Variants in WRN observed in about 807,000 individuals in gnomAD.
WRN encodes the protein bifunctional 3'-5' exonuclease/ATP-dependent helicase WRN.
A neutral mutation model predicts 180.7 loss-of-function variants in WRN; 149 were observed. The observed-to-expected ratio is 0.82, with a 90% confidence interval of 0.72 to 0.94. The LOEUF (loss-of-function observed/expected upper bound fraction) is 0.94. Among genes scored for constraint, WRN ranks in the 40% least tolerant of loss-of-function variants. WRN has a pLI of 0.00. For missense variants in WRN, 1,661 were observed against 1,700.1 expected, an observed-to-expected ratio of 0.98 and a Z score of 0.40; for synonymous variants, 548 against 568.9, an observed-to-expected ratio of 0.96 and a Z score of 0.52.
chr8:31,119,779 T>G (rs1419531831), intron 20 of WRN, among the ~76,000 whole-genome samples: 1 of 152,172 alleles, frequency 6.6e-6, no homozygotes, highest in Middle Eastern at 3.4e-3. Context: ...TTCATAGATA[T>G]GAGACATTCT....
chr8:31,147,072 G>GA lies in WRN; in HGVS notation c.3408dup (p.Ala1137SerfsTer28), dbSNP rs1284409960. The GA allele has an allele frequency of 6.2e-7, 1 of 1,613,652 alleles. No homozygotes were observed. The highest frequency in any genetic ancestry group is 2.2e-5 in the East Asian group (1 of 44,808). ...TTTTAGTATCATGGTACAGTCACCAGAAAAAGCTTACAGTTCCTCACAGCC... is the reference window on the plus strand; with the variant it reads ...TTTTAGTATCATGGTACAGTCACCAGAAAAAAGCTTACAGTTCCTCACAGCC... On this transcript the variant is annotated frameshift_variant, in exon 29 of 35. Transcript: ENST00000298139. LOFTEE classifies it high-confidence loss of function.
chr8:31,056,973 C>A (rs531401081), intron 1 of WRN, among the ~76,000 whole-genome samples: 1 of 151,940 alleles, frequency 6.6e-6, no homozygotes, highest in Non-Finnish European at 1.5e-5. Context: ...CAGTCTCTCT[C>A]CCCCAGTGGT....
intron 18 of WRN, among the ~76,000 whole-genome samples, chr8:31,105,090 A>AG (rs1405108410): frequency 3.7e-5 from 1 of 26,702 alleles, no homozygotes; most frequent in East Asian, 1.2e-3. Flanking sequence ...GTTTGGTTGG[A>AG]GCAGATATTA....
chr8:31,103,095 C>T (rs981938391), intron 18 of WRN, among the ~76,000 whole-genome samples: 1 of 152,164 alleles, frequency 6.6e-6, no homozygotes, highest in Non-Finnish European at 1.5e-5. Flanking sequence ...ATCAATGTTG[C>T]TGTCTTCCAC....
Position 31,132,372 on chromosome 8 carries a change from C to G in WRN, c.2833C>G (p.His945Asp), listed in dbSNP as rs1354237583. ...GTTATTATTTTTATTTAGATTGGAT[C>G]ATTGCTATTCCATGGATGACTCAGA... is the stretch of plus-strand genomic sequence containing the variant. Reference protein sequence around the residue: ...CCDNCRSRLDHCYSMDDSEDT... With the variant: ...CCDNCRSRLDDCYSMDDSEDT... Residue 945 changes from histidine to aspartate, a missense_variant, in exon 24 of 35, where the codon CAT becomes GAT. His to Asp is a moderately conservative substitution (Grantham distance 81). Coordinates refer to ENST00000298139, the MANE Select transcript of WRN (RefSeq NM_000553.6). 5 of 1,613,824 alleles carry G rather than the reference C, an allele frequency of 3.1e-6. No homozygotes were observed. The highest frequency in any genetic ancestry group is 3.4e-6 in the Non-Finnish European group (4 of 1,179,936).
At position 31,135,213 on chromosome 8, in the gene WRN, T is replaced by A. The variant is rs556781832; in HGVS notation, c.2967+2707T>A. ...GACCACAGGTGCCACCCCACCCAGC[T>A]ATTTTTTTTATTTTTTAATTTTTTT... On this transcript the variant is annotated intron_variant, in intron 24 of 34. Transcript: ENST00000298139. 2.6e-5 allele frequency among the ~76,000 whole-genome samples: 4 copies of A among 152,124 alleles called. No homozygotes were observed. In the East Asian group the frequency reaches 7.8e-4, roughly 30 times the overall value.
chr8:31,061,962 C>T lies in WRN; in HGVS notation c.210-2327C>T, dbSNP rs528166324. The stretch of plus-strand genomic sequence containing the variant: ...TGGAGCTCTTTTCCTGCCTAGCTTC[C>T]TCCTCTCCAGAACTCTGCCCCGTGA... On this transcript the variant is annotated intron_variant, in intron 3 of 34. Transcript: ENST00000298139. Among the ~76,000 whole-genome samples the T allele has an allele frequency of 2.6e-5, 4 of 152,256 alleles. No individual in the cohort carries two copies. The East Asian group carries it at 5.8e-4, about 22-fold the overall frequency.
Position 31,120,157 on chromosome 8 carries a change from A to G in WRN, c.2449-86A>G, listed in dbSNP as rs529297882. 197 of 1,541,134 alleles carry G rather than the reference A, an allele frequency of 1.3e-4. 1 individual carries two copies. The African/African-American group carries it at 2.2e-3, about 17-fold the overall frequency. ...TTGTGCCAGGGACTTAAGTTAACGA[A>G]CAAATTATTCTTACAAAAAGGTATA... On this transcript the variant is annotated intron_variant, in intron 20 of 34. Transcript: ENST00000298139.
At chr8:31,117,745 G>T (rs760559269) in intron 20 of WRN, among the ~76,000 whole-genome samples, 7 of 152,100 alleles carry the variant, frequency 4.6e-5, no homozygotes, top group Non-Finnish European at 7.4e-5. Context: ...GCTTAAGTAT[G>T]ATTCATATTC....
chr8:31,171,775 C>G (rs1158443666), intron 34 of WRN, among the ~76,000 whole-genome samples: 1 of 152,132 alleles, frequency 6.6e-6, no homozygotes, highest in Non-Finnish European at 1.5e-5. Context: ...TATTTCAAAG[C>G]CTTTTTTAAA....
At chr8:31,109,410 C>T (rs1032197219) in intron 18 of WRN, among the ~76,000 whole-genome samples, 2 of 151,958 alleles carry the variant, frequency 1.3e-5, no homozygotes, top group African/African-American at 4.8e-5. Flanking sequence ...TCACTGTTAC[C>T]AGATTGCTGG....
intron 1 of WRN, among the ~76,000 whole-genome samples, chr8:31,038,469 C>G (rs909305765): frequency 1.3e-5 from 2 of 151,758 alleles, no homozygotes; most frequent in Non-Finnish European, 2.9e-5. Context: ...GAATATTAAA[C>G]CCTTATTGGG....
chr8:31,175,028 T>C lies in WRN; in HGVS notation c.*1926T>C, dbSNP rs1804237325. On this transcript the variant is annotated 3_prime_UTR_variant, in exon 35 of 35. Transcript: ENST00000298139. ...ATAAAGCCTTTTCTAATGAGATGGATAGTAATTAACAAATGTGAGTTTTTG... is the reference window on the plus strand; with the variant it reads ...ATAAAGCCTTTTCTAATGAGATGGACAGTAATTAACAAATGTGAGTTTTTG... Among the ~76,000 whole-genome samples, 1 of 151,850 alleles carries C rather than the reference T, an allele frequency of 6.6e-6. No homozygotes were observed. Among genetic ancestry groups the C allele is most frequent in the Non-Finnish European group, 1.5e-5 (1 of 67,984 alleles).
At chr8:31,061,686 G>A (rs140446060) in intron 3 of WRN, among the ~76,000 whole-genome samples, 4 of 152,038 alleles carry the variant, frequency 2.6e-5, no homozygotes, top group African/African-American at 9.7e-5. Flanking sequence ...GAAAGTCTAC[G>A]TTTGCCTTTA....
At chr8:31,052,458 G>C (rs1432538629) in intron 1 of WRN, among the ~76,000 whole-genome samples, 1 of 152,082 alleles carries the variant, frequency 6.6e-6, no homozygotes, top group Non-Finnish European at 1.5e-5. Flanking sequence ...CAAGATTTCA[G>C]CTCACTGCAA....
At position 31,090,820 on chromosome 8, in the gene WRN, T is replaced by G. The variant is rs1813717842; in HGVS notation, c.1721-14T>G. On this transcript the variant is annotated splice_polypyrimidine_tract_variant and intron_variant, in intron 14 of 34. Transcript: ENST00000298139. ...ATTTTTTTCATTTTATTTTTATATT[T>G]TTTTCATTTCAAGGATATGGAAAGA... 6.3e-7 allele frequency: 1 copy of G among 1,580,854 alleles called. No homozygotes were observed. Among genetic ancestry groups the G allele is most frequent in the Non-Finnish European group, 8.6e-7 (1 of 1,157,842 alleles).
chr8:31,166,928 C>G (rs1803902031), intron 33 of WRN, 94 bp from the exon 34 acceptor site: 1 of 1,279,004 alleles, frequency 7.8e-7, no homozygotes, highest in East Asian at 2.5e-5. Flanking sequence ...TTCCACCTTC[C>G]TTTCTACAGA....
At chr8:31,117,741 G>A (rs1801576190) in intron 20 of WRN, among the ~76,000 whole-genome samples, 1 of 152,058 alleles carries the variant, frequency 6.6e-6, no homozygotes, top group Non-Finnish European at 1.5e-5. Flanking sequence ...AAAAGCTTAA[G>A]TATGATTCAT....
intron 33 of WRN, among the ~76,000 whole-genome samples, chr8:31,164,095 G>A (rs540122300): frequency 2.6e-5 from 4 of 152,152 alleles, no homozygotes; most frequent in Non-Finnish European, 4.4e-5. Flanking sequence ...ACCTCAGCCT[G>A]CCTAAGTGCT....
Sources: allele counts gnomAD v4.1 joint callset (sites outside exome capture counted in the v4.1 genomes callset), GRCh38; gene constraint gnomAD v4.1.1; transcripts MANE v1.5; gene names NCBI Gene and HGNC (gene_info 2026-07-23, HGNC 2026-07-21).